EPHA2: variants seen among roughly 807,000 people sequenced by gnomAD.
The protein encoded by EPHA2 is EPH receptor A2, also known as ephrin type-A receptor 2.
Under a neutral mutation model 104.9 loss-of-function variants are expected in EPHA2, and 54 were observed. The ratio of observed to expected loss-of-function variants is 0.51; its 90% CI spans 0.41 to 0.65. The LOEUF (loss-of-function observed/expected upper bound fraction) is 0.65, where lower values mean the gene tolerates loss of function less well. EPHA2 is among the 30% of genes least tolerant of loss of function. The pLI is 0.00. For missense variants in EPHA2, 1,117 were observed against 1,369.5 expected (o/e 0.82, Z 2.91); for synonymous variants, 560 against 559.1 (o/e 1.00, Z -0.02).
chr1:16,132,775 G>A (rs987442233), intron 11 of EPHA2, among the ~76,000 whole-genome samples: 7 of 146,356 alleles, frequency 4.8e-5, no homozygotes, highest in East Asian at 2.1e-4. Context: ...TACAGGTATC[G>A]GGGAGAGGTG....
Position 16,133,382 on chromosome 1 carries a change from G to A in EPHA2, c.1865-14C>T, listed in dbSNP as rs371355583. The A allele has an allele frequency of 5.0e-6, 8 of 1,613,842 alleles. No individual in the cohort carries two copies. The African/African-American group carries it at 9.3e-5, about 19-fold the overall frequency. On this transcript the variant is annotated splice_polypyrimidine_tract_variant and intron_variant, in intron 10 of 16. Coordinates refer to ENST00000358432, the MANE Select transcript of EPHA2 (RefSeq NM_004431.5). ...CCCCAAACTCTCCTGTGGGCAGACA[G>A]GGTCAGGGGAGTGCCCTGGTCAGCC... is the stretch of plus-strand genomic sequence containing the variant.
At chr1:16,132,518 G>A in intron 11 of EPHA2, 79 bp from the exon 12 acceptor site, 2 of 1,530,952 alleles carry the variant, frequency 1.3e-6, no homozygotes, top group South Asian at 2.2e-5. Flanking sequence ...GGGGGAAGGT[G>A]GGCACAGGTG....
At position 16,130,423 on chromosome 1, in the gene EPHA2, G is replaced by A. The variant is rs772344743; in HGVS notation, c.2476-4C>T. 1.3e-6 allele frequency: 2 copies of A among 1,544,428 alleles called. No homozygotes were observed. Among genetic ancestry groups the A allele is most frequent in the Non-Finnish European group, 1.8e-6 (2 of 1,142,410 alleles). ...CATCATTGATGGCTTTCATCACCTGGCGGGGCACGAAGGTCAGGGGCGCTG... is the reference window on the plus strand; with the variant it reads ...CATCATTGATGGCTTTCATCACCTGACGGGGCACGAAGGTCAGGGGCGCTG... On this transcript the variant is annotated splice_region_variant and splice_polypyrimidine_tract_variant and intron_variant, in intron 14 of 16. Transcript: ENST00000358432. The surrounding 1 kb of genome is among the most constrained non-coding windows in gnomAD (Gnocchi z 4.5).
intron 3 of EPHA2, among the ~76,000 whole-genome samples, chr1:16,147,189 A>T (rs573875672): frequency 6.6e-6 from 1 of 152,336 alleles, no homozygotes; most frequent in South Asian, 2.1e-4. Flanking sequence ...CTAATGCCCA[A>T]GCCTCATTCC....
In EPHA2 at chr1:16,148,532, C is replaced by T. The variant is rs1209108167; in HGVS notation, c.669G>A (p.Leu223=). 1 of 1,613,574 alleles carries T rather than the reference C, an allele frequency of 6.2e-7. No homozygotes were observed. Among genetic ancestry groups the T allele is most frequent in the Non-Finnish European group, 8.5e-7 (1 of 1,179,990 alleles). ...CCACACAGGTGCCGGCCACAGTGGC[C>T]AGGGAAGGTGCATCAGAGCCGGCGA... is the stretch of plus-strand genomic sequence containing the variant. ...ETIAGSDAPS[L]ATVAGTCVDH... The change falls in exon 3 of 17, where the codon CTG becomes CTA. Residue 223 remains leucine, a synonymous_variant. Coordinates refer to ENST00000358432, the MANE Select transcript of EPHA2 (RefSeq NM_004431.5). This position sits in a 1 kb window ranked among gnomAD's most constrained non-coding sequence, Gnocchi z 4.9.
rs2124213236 is a variant in EPHA2, at chr1:16,135,055, C to G, written c.1563G>C (p.Val521=). ...TQEGQGAGSK[V]HEFQTLSPEG... is the part of the protein sequence containing the mutation. ...ACTCACACAGCGTCTGGAATTCGTG[C>G]ACCTTGCTGCCGGCCCCCTGGCCCT... is the stretch of plus-strand genomic sequence containing the variant. The change falls in exon 7 of 17, where the codon GTG becomes GTC. Residue 521 remains valine, a synonymous_variant. Transcript: ENST00000358432. This position sits in a 1 kb window ranked among gnomAD's most constrained non-coding sequence, Gnocchi z 4.3. 1 of 1,613,224 alleles carries G rather than the reference C, an allele frequency of 6.2e-7. No individual in the cohort carries two copies. Among genetic ancestry groups the G allele is most frequent in the Non-Finnish European group, 8.5e-7 (1 of 1,180,014 alleles).
chr1:16,151,020 T>C lies in EPHA2; in HGVS notation c.86-57A>G, dbSNP rs1228846437. On this transcript the variant is annotated intron_variant, in intron 1 of 16. Transcript: ENST00000358432. Reference sequence around the variant, plus strand: ...GGGGGTGTCTTCAGGAGTCAGACCATGGCAGGAAAGGTGAGGATCCCTCCA... The same window carrying C: ...GGGGGTGTCTTCAGGAGTCAGACCACGGCAGGAAAGGTGAGGATCCCTCCA... 4.4e-6 allele frequency: 7 copies of C among 1,581,792 alleles called. No homozygotes were observed. In the East Asian group the frequency reaches 1.1e-4, roughly 25 times the overall value.
chr1:16,145,237 C>CGGTCAG (rs1398873561), intron 3 of EPHA2, among the ~76,000 whole-genome samples: 1 of 152,210 alleles, frequency 6.6e-6, no homozygotes, highest in Non-Finnish European at 1.5e-5. Flanking sequence ...CGGGGGACAG[C>CGGTCAG]GGTCAGCCCG....
At chr1:16,136,734 G>T (rs1160873886) in intron 5 of EPHA2, among the ~76,000 whole-genome samples, 1 of 147,022 alleles carries the variant, frequency 6.8e-6, no homozygotes, top group East Asian at 2.0e-4. Flanking sequence ...AGAAGAAGAA[G>T]AAGAAGAAGA....
At chr1:16,146,189 C>T (rs1030908186) in intron 3 of EPHA2, among the ~76,000 whole-genome samples, 1 of 152,172 alleles carries the variant, frequency 6.6e-6, no homozygotes, top group African/African-American at 2.4e-5. Context: ...AGGAACAATC[C>T]GGCAGTAGGT....
rs756992994 is a variant in EPHA2, at chr1:16,130,446, C to G, written c.2476-27G>C. ...TGGCGGGGCACGAAGGTCAGGGGCG[C>G]TGTTGCAGAAAGCCACTGAAACCCT... On this transcript the variant is annotated intron_variant, in intron 14 of 16. Coordinates refer to ENST00000358432, the MANE Select transcript of EPHA2 (RefSeq NM_004431.5). This position sits in a 1 kb window ranked among gnomAD's most constrained non-coding sequence, Gnocchi z 4.5. The G allele has an allele frequency of 6.6e-6, 10 of 1,525,276 alleles. No individual in the cohort carries two copies. The highest frequency in any genetic ancestry group is 8.8e-6 in the Non-Finnish European group (10 of 1,134,480). 94.5% of individuals were successfully genotyped at this position (1,525,276 alleles called of 1,614,324 possible).
At chr1:16,153,136 A>G in intron 1 of EPHA2, 2 of 985,142 alleles carry the variant, frequency 2.0e-6, no homozygotes, top group Non-Finnish European at 2.4e-6. Context: ...GGGGGAAAAA[A>G]AAAAAGCAAA....
At chr1:16,154,756 CAAAAAAAAA>C (rs558609049) in intron 1 of EPHA2, among the ~76,000 whole-genome samples, 1 of 66,870 alleles carries the variant, frequency 1.5e-5, no homozygotes, top group Non-Finnish European at 2.8e-5. Context: ...AACTCCGTCT[CAAAAAAAAA>C]AAAAAAAAAA....
chr1:16,155,517 C>A, intron 1 of EPHA2: 1 of 308,466 alleles, frequency 3.2e-6, no homozygotes, highest in Non-Finnish European at 5.9e-6. Context: ...CCCAAACACC[C>A]CCTTCTCTAG....
At chr1:16,132,934 T>A in intron 11 of EPHA2, 1 of 216,146 alleles carries the variant, frequency 4.6e-6, no homozygotes, top group South Asian at 1.4e-4. Flanking sequence ...GTAGAGGAGG[T>A]GGGTACAAGT....
In EPHA2 at chr1:16,138,021, T is replaced by C; in HGVS notation, c.1144A>G (p.Ser382Gly). The change falls in exon 5 of 17, where the codon AGT becomes GGT. Residue 382 changes from serine (S) to glycine (G), a missense_variant. Ser to Gly is a moderately conservative substitution (Grantham distance 56). Transcript: ENST00000358432. Reference protein sequence around the residue: ...ESGECGPCEASVRYSEPPHGL... With the variant: ...ESGECGPCEAGVRYSEPPHGL... ...TGAGGAGGCTCCGAGTAGCGCACACTGGCCTCACACGGCCCGCATTCCCCA... is the reference window on the plus strand; with the variant it reads ...TGAGGAGGCTCCGAGTAGCGCACACCGGCCTCACACGGCCCGCATTCCCCA... 3 of 1,613,796 alleles carry C rather than the reference T, an allele frequency of 1.9e-6. No homozygotes were observed. Among genetic ancestry groups the C allele is most frequent in the Non-Finnish European group, 2.5e-6 (3 of 1,179,984 alleles).
At chr1:16,149,139 GT>G (rs1032940000) in intron 2 of EPHA2, 92 bp from the exon 3 acceptor site, 2 of 1,387,378 alleles carry the variant, frequency 1.4e-6, no homozygotes, top group Non-Finnish European at 2.0e-6. Flanking sequence ...ATGCTTTCCA[GT>G]TCGTGCTCTC....
chr1:16,152,837 C>T (rs887319748), intron 1 of EPHA2, among the ~76,000 whole-genome samples: 7 of 152,192 alleles, frequency 4.6e-5, no homozygotes, highest in African/African-American at 7.2e-5. Context: ...AGAAAAGAAG[C>T]CCTCACACAG....
In EPHA2 at chr1:16,131,304, G is replaced by A. The variant is rs955128007; in HGVS notation, c.2475+417C>T. Among the ~76,000 whole-genome samples the A allele has an allele frequency of 7.2e-5, 11 of 152,230 alleles. No homozygotes were observed. The highest frequency in any genetic ancestry group is 5.9e-4 in the Admixed American group (9 of 15,278). ...CCTCAAGAAATATTTACGGGGCTGG[G>A]TGCGGTGGCTTACCCCTGTAATCCC... On this transcript the variant is annotated intron_variant, in intron 14 of 16. Transcript: ENST00000358432. This position sits in a 1 kb window ranked among gnomAD's most constrained non-coding sequence, Gnocchi z 5.2.
Sources: allele counts gnomAD v4.1 joint callset (sites outside exome capture counted in the v4.1 genomes callset), GRCh38; gene constraint gnomAD v4.1.1; non-coding constraint Gnocchi (gnomAD v3.1); transcripts MANE v1.5; gene names NCBI Gene and HGNC (gene_info 2026-07-23, HGNC 2026-07-21).